The following ARFGEF2 variants were observed in gnomAD, a reference collection of about 807,000 sequenced individuals.
The protein encoded by ARFGEF2 is brefeldin A-inhibited guanine nucleotide-exchange protein 2.
Under a neutral mutation model 219.9 loss-of-function variants are expected in ARFGEF2, and 74 were observed. The observed-to-expected ratio is 0.34, with a 90% CI of 0.28 to 0.41. The LOEUF is 0.41. Among genes scored for constraint, ARFGEF2 ranks in the 10% least tolerant of loss-of-function variants. The pLI is 1.00. For synonymous variants in ARFGEF2, 733 were observed against 799.2 expected, an observed-to-expected ratio of 0.92 and a Z score of 1.40; for missense variants, 1,743 against 2,218.3, an observed-to-expected ratio of 0.79 and a Z score of 4.30.
At chr20:48,956,534 T>C (rs1232598020) in intron 6 of ARFGEF2, among the ~76,000 whole-genome samples, 1 of 152,228 alleles carries the variant, frequency 6.6e-6, no homozygotes, top group African/African-American at 2.4e-5. Flanking sequence ...AGATACTGTG[T>C]AGAATTACCT....
chr20:48,936,088 C>A, intron 1 of ARFGEF2, among the ~76,000 whole-genome samples: 1 of 145,662 alleles, frequency 6.9e-6, no homozygotes, highest in Non-Finnish European at 1.5e-5. Flanking sequence ...GAACCCCCAC[C>A]TCCCTCCCGG....
At chr20:49,029,473 A>G (rs1470924680) in intron 37 of ARFGEF2, among the ~76,000 whole-genome samples, 1 of 152,242 alleles carries the variant, frequency 6.6e-6, no homozygotes, top group Non-Finnish European at 1.5e-5. Context: ...GGAATACCAC[A>G]TGGAATATTC....
At position 49,014,069 on chromosome 20, in the gene ARFGEF2, T is replaced by G. The variant is rs2091516739; in HGVS notation, c.4179+109T>G. 10 of 1,447,290 alleles carry G rather than the reference T, an allele frequency of 6.9e-6. No individual in the cohort carries two copies. In the East Asian group the frequency reaches 2.3e-4, roughly 33 times the overall value. The allele number at this position is 1,447,290 out of a possible 1,614,324, so 89.7% of individuals were successfully genotyped here. On this transcript the variant is annotated intron_variant, in intron 30 of 38. Transcript: ENST00000371917. ...TCGTCTACCCAGAGTTCTTAAATAC[T>G]GAGCAACTTAAGGTTTTAAAAATGG...
In ARFGEF2 at chr20:48,951,432, C is replaced by T. The variant is rs201243885; in HGVS notation, c.386C>T (p.Pro129Leu). 6.2e-7 allele frequency: 1 copy of T among 1,614,214 alleles called. No homozygotes were observed. Among genetic ancestry groups the T allele is most frequent in the East Asian group, 2.2e-5 (1 of 44,888 alleles). The part of the protein sequence containing the change: ...VETICSCFQG[P>L]QTDEGVQLQI... ...ACCATTTGCAGTTGTTTTCAGGGCC[C>T]TCAGACTGATGAAGGGGTTCAGTTA... The change falls in exon 4 of 39, where the codon CCT becomes CTT. Residue 129 changes from proline to leucine, a missense_variant. This residue lies in a region of ARFGEF2 where 394 missense variants were observed against 426.6 expected (regional missense o/e 0.92). Coordinates refer to ENST00000371917, the MANE Select transcript of ARFGEF2 (RefSeq NM_006420.3).
chr20:48,983,323 C>T (rs116486396), intron 14 of ARFGEF2, among the ~76,000 whole-genome samples: 2 of 152,302 alleles, frequency 1.3e-5, no homozygotes, highest in African/African-American at 4.8e-5. Flanking sequence ...TCAACACATA[C>T]ACAATCATAT....
At chr20:49,026,159 A>T (rs1053294367) in intron 36 of ARFGEF2, among the ~76,000 whole-genome samples, 3 of 151,972 alleles carry the variant, frequency 2.0e-5, no homozygotes, top group African/African-American at 7.3e-5. Flanking sequence ...ACATAGCAAA[A>T]CCCCATCTCC....
At position 48,932,495 on chromosome 20, in the gene ARFGEF2, C is replaced by T. The variant is rs111608395; in HGVS notation, c.122-8704C>T. Among the ~76,000 whole-genome samples, 281 of 152,252 alleles carry T rather than the reference C, an allele frequency of 1.8e-3. 3 individuals are homozygous for T. Among genetic ancestry groups the T allele is most frequent in the Middle Eastern group, 6.8e-3 (2 of 294 alleles). ...GCCAACCTGCCCTGTTGTCAGAGGT[C>T]TGCTTAGGCGGAGACAGGTGAAAAG... On this transcript the variant is annotated intron_variant, in intron 1 of 38. Coordinates refer to ENST00000371917, the MANE Select transcript of ARFGEF2 (RefSeq NM_006420.3).
chr20:49,014,423 G>A (rs960151302), intron 30 of ARFGEF2, among the ~76,000 whole-genome samples: 1 of 152,076 alleles, frequency 6.6e-6, no homozygotes, highest in Non-Finnish European at 1.5e-5. Context: ...TACAGGGATA[G>A]TGAAAGGGTA....
At chr20:48,998,110 T>G (rs2123481479) in intron 23 of ARFGEF2, 83 bp from the exon 24 acceptor site, 2 of 1,302,818 alleles carry the variant, frequency 1.5e-6, no homozygotes, top group African/African-American at 1.5e-5. Context: ...TACACCCTCC[T>G]CGGCCTCCCA....
chr20:48,940,128 A>C (rs1040104254), intron 1 of ARFGEF2, among the ~76,000 whole-genome samples: 3 of 152,308 alleles, frequency 2.0e-5, no homozygotes, highest in Admixed American at 6.5e-5. Context: ...CCTGGAAATA[A>C]CACTATCTCT....
At chr20:48,988,698 A>G in intron 18 of ARFGEF2, 36 bp downstream of exon 18, 1 of 1,595,496 alleles carries the variant, frequency 6.3e-7, no homozygotes, top group Non-Finnish European at 8.6e-7. Context: ...TTTTAGTTCT[A>G]ATTTTTTAGT....
rs1288788122 is a variant in ARFGEF2, at chr20:49,035,056, C to T, written c.*1857C>T. 2.0e-5 allele frequency: 3 copies of T among 152,200 alleles called. No individual in the cohort carries two copies. Among genetic ancestry groups the T allele is most frequent in the Admixed American group, 6.5e-5 (1 of 15,280 alleles). 9.4% of individuals were successfully genotyped at this position (152,200 alleles called of 1,614,324 possible). ...CCTTTACACTGCACCATGAAACCTA[C>T]ACTCCCTGGTATCATAGCGCGTCAT... On this transcript the variant is annotated 3_prime_UTR_variant, in exon 39 of 39. Transcript: ENST00000371917.
intron 1 of ARFGEF2, among the ~76,000 whole-genome samples, chr20:48,935,794 G>A (rs1278427676): frequency 2.7e-5 from 4 of 146,494 alleles, no homozygotes; most frequent in South Asian, 4.3e-4. Context: ...CCTCCCTCCC[G>A]GACGGGGCGG....
chr20:48,969,365 G>A, intron 9 of ARFGEF2, 88 bp downstream of exon 9: 1 of 1,609,578 alleles, frequency 6.2e-7, no homozygotes, highest in Non-Finnish European at 8.5e-7. Context: ...GTTCCAAGAA[G>A]TTTCAGTGTC....
intron 11 of ARFGEF2, 135 bp downstream of exon 11, chr20:48,972,560 GC>G: frequency 1.3e-6 from 1 of 755,318 alleles, no homozygotes; most frequent in Non-Finnish European, 2.3e-6. Context: ...ACCTAGTCCT[GC>G]CCCACCTCTC....
intron 8 of ARFGEF2, 58 bp downstream of exon 8, chr20:48,966,081 C>A (rs1267085672): frequency 6.3e-7 from 1 of 1,599,380 alleles, no homozygotes; most frequent in Non-Finnish European, 8.6e-7. Context: ...TCAAAAGATG[C>A]AGAATTAAGT....
intron 3 of ARFGEF2, among the ~76,000 whole-genome samples, chr20:48,949,392 C>G (rs1043734092): frequency 7.2e-5 from 11 of 152,244 alleles, no homozygotes; most frequent in African/African-American, 2.6e-4. Context: ...AATGTCAAAA[C>G]CAGAGCTCAT....
chr20:48,924,754 G>C (rs2090866122), intron 1 of ARFGEF2, among the ~76,000 whole-genome samples: 1 of 152,122 alleles, frequency 6.6e-6, no homozygotes, highest in South Asian at 2.1e-4. Context: ...GTATAGTGTA[G>C]ATGTTAGCTA....
intron 12 of ARFGEF2, 52 bp from the exon 13 acceptor site, chr20:48,974,714 G>T (rs1012271288): frequency 3.4e-6 from 5 of 1,466,852 alleles, no homozygotes; most frequent in Non-Finnish European, 4.7e-6. Context: ...GTAGATGTCT[G>T]TTCTCTTCAT....
Sources: gnomAD v4.1 joint callset for allele counts (sites outside exome capture counted in the v4.1 genomes callset) on GRCh38, gnomAD v4.1.1 for gene constraint, gnomAD v4.1.1 regional missense constraint, MANE v1.5 for transcripts, NCBI Gene and HGNC (gene_info 2026-07-23, HGNC 2026-07-21) for gene names.